Variants in NMD3 observed in about 807,000 individuals in gnomAD.
The protein encoded by NMD3 is NMD3 ribosome export adaptor.
In NMD3, 47 loss-of-function variants were observed where a neutral mutation model predicts 73.1. The ratio of observed to expected loss-of-function variants is 0.64; its 90% CI spans 0.51 to 0.82. NMD3 has a LOEUF of 0.82. NMD3 is among the 40% of genes least tolerant of loss of function. The pLI is 0.00. For synonymous variants in NMD3, 210 were observed against 194.5 expected (o/e 1.08, Z -0.66); for missense variants, 554 against 612.5 (o/e 0.90, Z 1.01).
intron 4 of NMD3, among the ~76,000 whole-genome samples, chr3:161,231,512 C>A: frequency 6.6e-6 from 1 of 151,938 alleles, no homozygotes; most frequent in African/African-American, 2.4e-5. Context: ...TGATGGTGAG[C>A]CAGAAGCTAA....
intron 2 of NMD3, among the ~76,000 whole-genome samples, 182 bp from the exon 3 acceptor site, chr3:161,224,748 A>G (rs1047867694): frequency 3.3e-5 from 5 of 152,130 alleles, no homozygotes; most frequent in Non-Finnish European, 5.9e-5. Flanking sequence ...CAGCCTCCCA[A>G]AGTGCTGGAA....
rs901202389 is a variant in NMD3 at position 161,251,327 on chromosome 3, A to T, written c.*417A>T. ...ATTTTAGTGAAAGACCATATGAAGA[A>T]GCATTTTTAATATTAACTTGTTACA... is the stretch of plus-strand genomic sequence containing the variant. On this transcript the variant is annotated 3_prime_UTR_variant, in exon 16 of 16. Transcript: ENST00000351193. 1 of 152,550 alleles carries T rather than the reference A, an allele frequency of 6.6e-6. No homozygotes were observed. The highest frequency in any genetic ancestry group is 2.4e-5 in the African/African-American group (1 of 41,466). The allele number at this position is 152,550 out of a possible 1,614,324, so 9.4% of individuals were successfully genotyped here. A position where few individuals can be genotyped will look rare whatever the true frequency, so the allele number is the denominator to read the frequency against.
At chr3:161,246,766 G>T (rs1489870924) in intron 12 of NMD3, among the ~76,000 whole-genome samples, 1 of 152,104 alleles carries the variant, frequency 6.6e-6, no homozygotes. Flanking sequence ...AGTTGCTACT[G>T]CTCAGATAAC....
intron 13 of NMD3, among the ~76,000 whole-genome samples, chr3:161,247,807 A>G (rs1737289678): frequency 6.6e-6 from 1 of 151,810 alleles, no homozygotes; most frequent in Admixed American, 6.6e-5. Flanking sequence ...AAAAAAAGAA[A>G]TGGGAGTCTT....
downstream of NMD3, chr3:161,252,919 T>C: frequency 3.4e-6 from 2 of 580,078 alleles, no homozygotes; most frequent in Non-Finnish European, 6.2e-6. Context: ...GCCAACATAG[T>C]GAAACCCTGT....
intron 6 of NMD3, 126 bp downstream of exon 6, chr3:161,234,981 C>A: frequency 1.0e-6 from 1 of 985,732 alleles, no homozygotes; most frequent in Non-Finnish European, 1.5e-6. Context: ...GGAAATAGAT[C>A]ATTATTACAT....
intron 4 of NMD3, among the ~76,000 whole-genome samples, chr3:161,230,710 C>T (rs1160691901): frequency 6.6e-6 from 1 of 152,190 alleles, no homozygotes; most frequent in East Asian, 1.9e-4. Flanking sequence ...GATCTCTGCT[C>T]TCTAGAGGGG....
At position 161,250,969 on chromosome 3, in the gene NMD3, A is replaced by G. The variant is rs1737466146; in HGVS notation, c.*59A>G. The stretch of plus-strand genomic sequence containing the variant: ...TAAGAAGTTGGACAGAGTTACCTTA[A>G]GTGTCTCTACTATCTTTGCCTCCAG... On this transcript the variant is annotated 3_prime_UTR_variant, in exon 16 of 16. Transcript: ENST00000351193. 7.0e-7 allele frequency: 1 copy of G among 1,421,256 alleles called. No homozygotes were observed. The highest frequency in any genetic ancestry group is 9.8e-7 in the Non-Finnish European group (1 of 1,023,344). The allele number at this position is 1,421,256 out of a possible 1,614,324, so 88.0% of individuals were successfully genotyped here.
chr3:161,250,737 A>G (rs201624085), intron 15 of NMD3, 43 bp from the exon 16 acceptor site: 277 of 1,294,168 alleles, frequency 2.1e-4, no homozygotes, highest in Admixed American at 3.6e-4. Flanking sequence ...TTGTATACAT[A>G]TAAATACTTT....
At chr3:161,240,140 G>A (rs1478442974) in intron 9 of NMD3, among the ~76,000 whole-genome samples, 1 of 152,092 alleles carries the variant, frequency 6.6e-6, no homozygotes, top group African/African-American at 2.4e-5. Context: ...TAAAAACCAA[G>A]GACTGAACTA....
intron 11 of NMD3, among the ~76,000 whole-genome samples, chr3:161,243,082 C>T (rs80322073): frequency 0.1 from 15,301 of 152,050 alleles, 1,054 homozygotes; most frequent in South Asian, 0.19. Context: ...ATAAAACATA[C>T]AGTCTACACA....
At chr3:161,250,716 T>C in intron 15 of NMD3, 64 bp from the exon 16 acceptor site, 1 of 968,842 alleles carries the variant, frequency 1.0e-6, no homozygotes, top group Non-Finnish European at 1.5e-6. Context: ...TTTTCAAATA[T>C]ATTTAATACT....
chr3:161,252,742 A>G (rs1399024397), downstream of NMD3: 4 of 663,714 alleles, frequency 6.0e-6, no homozygotes, highest in Non-Finnish European at 1.1e-5. Flanking sequence ...ATAATTTACA[A>G]GTCATTATGA....
intron 7 of NMD3, 167 bp downstream of exon 7, chr3:161,235,379 G>A: frequency 2.7e-6 from 1 of 367,196 alleles, no homozygotes; most frequent in Non-Finnish European, 5.0e-6. Context: ...TGTCCAGTAT[G>A]GTATAGTCAC....
rs1465137715 is a variant in NMD3, at chr3:161,250,249, T to C, written c.1311-7T>C. ...TGGTGATGAAATATTTAAATGTTTA[T>C]TTAAAGGCAATACCAAGATTTTCTT... On this transcript the variant is annotated splice_region_variant and splice_polypyrimidine_tract_variant and intron_variant, in intron 14 of 15. Transcript: ENST00000351193. 6.7e-7 allele frequency: 1 copy of C among 1,487,184 alleles called. No individual in the cohort carries two copies. The highest frequency in any genetic ancestry group is 9.4e-7 in the Non-Finnish European group (1 of 1,068,292). The allele number at this position is 1,487,184 out of a possible 1,614,324, so 92.1% of individuals were successfully genotyped here. A position where few individuals can be genotyped will look rare whatever the true frequency, so the allele number is the denominator to read the frequency against.
At chr3:161,248,721 G>T (rs1737353520) in intron 13 of NMD3, among the ~76,000 whole-genome samples, 1 of 152,142 alleles carries the variant, frequency 6.6e-6, no homozygotes, top group African/African-American at 2.4e-5. Flanking sequence ...CTAACATGAT[G>T]AGGTTAAGAA....
intron 1 of NMD3, 180 bp from the exon 2 acceptor site, chr3:161,221,814 C>A: frequency 4.3e-6 from 2 of 466,014 alleles, no homozygotes; most frequent in Non-Finnish European, 7.6e-6. Flanking sequence ...TCTTAAAGTT[C>A]TTTTTAACGA....
chr3:161,251,030 A>ATT lies in NMD3; in HGVS notation c.*120_*121insTT. On this transcript the variant is annotated 3_prime_UTR_variant, in exon 16 of 16. Coordinates refer to ENST00000351193, the MANE Select transcript of NMD3 (RefSeq NM_015938.5). ...GAGAAATTTAGTTTTAAACCTGAAT[A>ATT]AACATGTTTGTTTTCAGTGCTCACT... 1 of 724,908 alleles carries ATT rather than the reference A, an allele frequency of 1.4e-6. No homozygotes were observed. Among genetic ancestry groups the ATT allele is most frequent in the Non-Finnish European group, 2.2e-6 (1 of 455,200 alleles). 44.9% of individuals were successfully genotyped at this position (724,908 alleles called of 1,614,324 possible). A position where few individuals can be genotyped will look rare whatever the true frequency, so the allele number is the denominator to read the frequency against.
intron 9 of NMD3, among the ~76,000 whole-genome samples, chr3:161,239,460 G>A (rs1736887344): frequency 6.6e-6 from 1 of 152,138 alleles, no homozygotes; most frequent in South Asian, 2.1e-4. Flanking sequence ...TTATATGTCA[G>A]TATTAAATCA....
Sources: gnomAD v4.1 joint callset for allele counts (sites outside exome capture counted in the v4.1 genomes callset) on GRCh38, gnomAD v4.1.1 for gene constraint, MANE v1.5 for transcripts, NCBI Gene and HGNC (gene_info 2026-07-23, HGNC 2026-07-21) for gene names.